ABCA13: variants seen among roughly 807,000 people sequenced by gnomAD.
ABCA13 encodes ATP-binding cassette sub-family A member 13.
Under a neutral mutation model 478.7 loss-of-function variants are expected in ABCA13, and 476 were observed. The observed-to-expected ratio is 0.99, with a 90% CI of 0.92 to 1.07. The LOEUF is 1.07. ABCA13 is among the 50% of genes least tolerant of loss of function. The pLI is 0.00. For missense variants in ABCA13, 6,060 were observed against 5,910.6 expected (o/e 1.03, Z -0.83); for synonymous variants, 2,252 against 2,158.9 (o/e 1.04, Z -1.20).
chr7:48,436,847 A>G (rs1390793593), intron 42 of ABCA13, among the ~76,000 whole-genome samples: 1 of 148,764 alleles, frequency 6.7e-6, no homozygotes, highest in Non-Finnish European at 1.5e-5. Context: ...TCTGTTGTTG[A>G]TTTCTAATTT....
At chr7:48,244,796 A>C (rs1183227163) in intron 11 of ABCA13, 93 bp downstream of exon 11, 1 of 1,453,942 alleles carries the variant, frequency 6.9e-7, no homozygotes, top group African/African-American at 1.4e-5. Context: ...GACACATTGT[A>C]AAGTTGGGAG....
At chr7:48,558,643 AT>A (rs113255083) in intron 55 of ABCA13, among the ~76,000 whole-genome samples, 1 of 151,994 alleles carries the variant, frequency 6.6e-6, no homozygotes, top group East Asian at 1.9e-4. Context: ...GATTCTTTTG[AT>A]TTTTTCAATC....
At chr7:48,212,499 A>T (rs1205021569) in intron 3 of ABCA13, among the ~76,000 whole-genome samples, 2 of 152,216 alleles carry the variant, frequency 1.3e-5, no homozygotes, top group Non-Finnish European at 2.9e-5. Flanking sequence ...TTAGCTATAT[A>T]GTGTATGTCC....
intron 42 of ABCA13, among the ~76,000 whole-genome samples, chr7:48,446,566 AT>A (rs2129176212): frequency 6.6e-6 from 1 of 152,062 alleles, no homozygotes; most frequent in East Asian, 1.9e-4. Flanking sequence ...ATGGAAAGCA[AT>A]TTTGGCAGTG....
intron 44 of ABCA13, among the ~76,000 whole-genome samples, chr7:48,469,667 C>A (rs911874904): frequency 6.6e-6 from 1 of 152,082 alleles, no homozygotes; most frequent in Non-Finnish European, 1.5e-5. Flanking sequence ...TAAAATGCAC[C>A]TTAGCACTTT....
chr7:48,539,316 CT>C (rs71552485), intron 55 of ABCA13, among the ~76,000 whole-genome samples: 13,115 of 144,876 alleles, frequency 0.091, 881 homozygotes, highest in African/African-American at 0.2. Flanking sequence ...GGTCTTTAGT[CT>C]TTTTTTTTTT....
chr7:48,255,358 A>G (rs1453159075), intron 15 of ABCA13, among the ~76,000 whole-genome samples: 1 of 152,192 alleles, frequency 6.6e-6, no homozygotes, highest in African/African-American at 2.4e-5. Flanking sequence ...AATAAGTTTC[A>G]TAATATTAAA....
rs1280157630 is a variant in ABCA13 at position 48,544,513 on chromosome 7, G to A, written c.14354+16168G>A. On this transcript the variant is annotated intron_variant, in intron 55 of 61. Transcript: ENST00000435803. ...CAACGATTTATTCAACCATGCCTCT[G>A]TAAAAGCTCTGTAAAATCCCCCAAA... is the stretch of plus-strand genomic sequence containing the variant. Among the ~76,000 whole-genome samples the A allele has an allele frequency of 5.4e-5, 8 of 149,186 alleles. No homozygotes were observed. In the Admixed American group the frequency reaches 5.4e-4, roughly 10 times the overall value.
chr7:48,368,726 C>T (rs1173459252), intron 32 of ABCA13, among the ~76,000 whole-genome samples: 1 of 142,204 alleles, frequency 7.0e-6, no homozygotes, highest in African/African-American at 2.6e-5. Flanking sequence ...CACATACACA[C>T]ACACATTTAT....
intron 15 of ABCA13, among the ~76,000 whole-genome samples, chr7:48,268,704 C>T (rs935222060): frequency 6.6e-6 from 1 of 152,008 alleles, no homozygotes; most frequent in Non-Finnish European, 1.5e-5. Context: ...CCTGGACTCC[C>T]TTAAAGCAGC....
At chr7:48,438,466 A>C (rs1453738080) in intron 42 of ABCA13, among the ~76,000 whole-genome samples, 1 of 151,794 alleles carries the variant, frequency 6.6e-6, no homozygotes, top group Non-Finnish European at 1.5e-5. Context: ...TGCTGATGTC[A>C]CTCTATCCTC....
Position 48,367,810 on chromosome 7 carries a change from G to T in ABCA13, c.10705G>T (p.Gly3569Cys). Reference sequence around the variant, plus strand: ...CCCTTACAGATTCCTGAACAACGTTGGTTTCTTTTTTCCACTGATAATGAT... The same window carrying T: ...CCCTTACAGATTCCTGAACAACGTTTGTTTCTTTTTTCCACTGATAATGAT... The part of the protein sequence containing the change: ...HTSDLFLNNV[G>C]FFFPLIMMLT... Residue 3569 changes from glycine to cysteine, a missense_variant, in exon 32 of 62, where the codon GGT (glycine) becomes TGT (cysteine). Physicochemically the swap from Gly to Cys is radical, Grantham distance 159. This residue lies in a region of ABCA13 where 4,423 missense variants were observed against 4,309.1 expected (regional missense o/e 1.03). Coordinates refer to ENST00000435803, the MANE Select transcript of ABCA13 (RefSeq NM_152701.5). 8 of 1,567,388 alleles carry T rather than the reference G, an allele frequency of 5.1e-6. No individual in the cohort carries two copies. The highest frequency in any genetic ancestry group is 1.2e-5 in the South Asian group (1 of 85,054).
intron 49 of ABCA13, among the ~76,000 whole-genome samples, chr7:48,506,748 G>A (rs1007244782): frequency 1.3e-5 from 2 of 152,042 alleles, no homozygotes; most frequent in Non-Finnish European, 2.9e-5. Context: ...ACATAGTAAC[G>A]CCTCCTTGAA....
intron 34 of ABCA13, among the ~76,000 whole-genome samples, chr7:48,375,398 T>C (rs1813307917): frequency 6.6e-6 from 1 of 152,208 alleles, no homozygotes; most frequent in African/African-American, 2.4e-5. Flanking sequence ...TTGGCTCTCA[T>C]CTTTACTCCT....
intron 3 of ABCA13, among the ~76,000 whole-genome samples, chr7:48,215,652 T>A (rs535308940): frequency 3.2e-4 from 48 of 152,262 alleles, no homozygotes; most frequent in African/African-American, 1.1e-3. Flanking sequence ...CAATAATTGT[T>A]AGTATATTCA....
Position 48,502,290 on chromosome 7 carries a change from A to G in ABCA13, c.13292-4046A>G, listed in dbSNP as rs538123584. Among the ~76,000 whole-genome samples the G allele has an allele frequency of 1.8e-4, 27 of 152,364 alleles. No homozygotes were observed. The South Asian group carries it at 5.6e-3, about 32-fold the overall frequency. ...CCTAAAAGAATGACACAAATCCAGG[A>G]AATGTGCTAAAATGAAGGGCAATAA... On this transcript the variant is annotated intron_variant, in intron 48 of 61. Transcript: ENST00000435803.
At chr7:48,416,692 G>T (rs1820049794) in intron 41 of ABCA13, among the ~76,000 whole-genome samples, 1 of 152,080 alleles carries the variant, frequency 6.6e-6, no homozygotes, top group Non-Finnish European at 1.5e-5. Flanking sequence ...CGCTCCCAGA[G>T]GACAAGGCTG....
intron 39 of ABCA13, among the ~76,000 whole-genome samples, chr7:48,409,235 A>C (rs1229709667): frequency 1.3e-5 from 2 of 152,210 alleles, no homozygotes; most frequent in African/African-American, 4.8e-5. Context: ...GCCAATAGGG[A>C]GTGTCGAAGC....
chr7:48,515,682 C>A (rs17730353), intron 51 of ABCA13, among the ~76,000 whole-genome samples: 2,674 of 152,058 alleles, frequency 0.018, 83 homozygotes, highest in African/African-American at 0.061. Context: ...TGTCTCCTGG[C>A]TTGCTGGGGA....
Sources: allele counts gnomAD v4.1 joint callset (sites outside exome capture counted in the v4.1 genomes callset), GRCh38; gene constraint gnomAD v4.1.1; regional missense constraint gnomAD v4.1.1; transcripts MANE v1.5; gene names NCBI Gene and HGNC (gene_info 2026-07-23, HGNC 2026-07-21).